Variants in FOXP1 observed in about 807,000 individuals in gnomAD.
The protein encoded by FOXP1 is forkhead box protein P1.
FOXP1 carries 15 observed loss-of-function variants against 98.2 expected under a neutral mutation model. That is an observed-to-expected ratio of 0.15 (90% CI 0.10 to 0.24). The LOEUF (loss-of-function observed/expected upper bound fraction) is 0.24, where lower values mean the gene tolerates loss of function less well. Ranked by LOEUF, FOXP1 falls within the 10% of genes least tolerant of loss-of-function variation. The pLI is 1.00. For missense variants in FOXP1, 633 were observed against 848.5 expected, an observed-to-expected ratio of 0.75 and a Z score of 3.15; for synonymous variants, 371 against 314.5, an observed-to-expected ratio of 1.18 and a Z score of -1.90.
chr3:71,142,031 A>G (rs535797899), intron 6 of FOXP1, among the ~76,000 whole-genome samples: 1 of 152,320 alleles, frequency 6.6e-6, no homozygotes, highest in African/African-American at 2.4e-5. Context: ...AACTAATCCT[A>G]TGTCTACTTC....
intron 7 of FOXP1, among the ~76,000 whole-genome samples, chr3:71,079,392 C>T (rs1559885079): frequency 1.3e-5 from 2 of 152,202 alleles, no homozygotes; most frequent in Middle Eastern, 3.4e-3. Context: ...TGCCCATTAA[C>T]GATCTTTTTT....
intron 3 of FOXP1, among the ~76,000 whole-genome samples, chr3:71,416,547 AACACACACACACAC>A (rs55710900): frequency 0.061 from 8,325 of 136,762 alleles, 290 homozygotes; most frequent in South Asian, 0.13. Flanking sequence ...TCTGTCTCAA[AACACACACACACAC>A]ACACACACAC....
In FOXP1 at chr3:70,956,549, G is replaced by T. The variant is rs973653856; in HGVS notation, c.*2698C>A. ...TTGAACTGAGGTATGCGTACTAACA[G>T]TTTCTCATGCTGTTATCTTTACTCA... is the stretch of plus-strand genomic sequence containing the variant. On this transcript the variant is annotated 3_prime_UTR_variant, in exon 21 of 21. Coordinates refer to ENST00000649528, the MANE Select transcript of FOXP1 (RefSeq NM_001349338.3). 3 of 226,246 alleles carry T rather than the reference G, an allele frequency of 1.3e-5. No individual in the cohort carries two copies. The highest frequency in any genetic ancestry group is 2.6e-5 in the Non-Finnish European group (3 of 114,632). The allele number at this position is 226,246 out of a possible 1,614,324, so 14.0% of individuals were successfully genotyped here. A position where few individuals can be genotyped will look rare whatever the true frequency, so the allele number is the denominator to read the frequency against.
chr3:71,421,146 T>C (rs763874349), intron 3 of FOXP1, among the ~76,000 whole-genome samples: 5 of 152,142 alleles, frequency 3.3e-5, no homozygotes, highest in Non-Finnish European at 2.9e-5. Context: ...TCACCATCAT[T>C]CCCAGAGTTA....
chr3:70,963,380 C>T (rs1349791301), intron 20 of FOXP1, among the ~76,000 whole-genome samples: 1 of 152,194 alleles, frequency 6.6e-6, no homozygotes, highest in Non-Finnish European at 1.5e-5. Context: ...GTAGCACAAG[C>T]ACACAGCACT....
chr3:71,373,693 G>A (rs2079508122), intron 3 of FOXP1, among the ~76,000 whole-genome samples: 1 of 151,938 alleles, frequency 6.6e-6, no homozygotes, highest in African/African-American at 2.4e-5. Flanking sequence ...ACATTATCAG[G>A]AGAAGGTTTA....
chr3:71,206,289 T>C (rs543892666), intron 5 of FOXP1, among the ~76,000 whole-genome samples: 1 of 152,338 alleles, frequency 6.6e-6, no homozygotes, highest in African/African-American at 2.4e-5. Context: ...TTTAACTGTT[T>C]TGGTGTTCTG....
At chr3:71,101,247 G>C (rs1202960938) in intron 7 of FOXP1, among the ~76,000 whole-genome samples, 1 of 152,180 alleles carries the variant, frequency 6.6e-6, no homozygotes. Context: ...TGCTGGATTA[G>C]AGATACTGAA....
At chr3:71,281,201 GCC>G (rs2071522468) in intron 5 of FOXP1, among the ~76,000 whole-genome samples, 1 of 151,186 alleles carries the variant, frequency 6.6e-6, no homozygotes, top group South Asian at 2.1e-4. Flanking sequence ...CTGTACTCCA[GCC>G]TGGACAACAG....
intron 2 of FOXP1, among the ~76,000 whole-genome samples, chr3:71,562,334 G>A (rs2046603040): frequency 6.6e-6 from 1 of 152,170 alleles, no homozygotes; most frequent in African/African-American, 2.4e-5. Context: ...CCAGCCTTAC[G>A]CAGCAGGTGC....
chr3:70,961,048 G>A (rs1341827417), intron 20 of FOXP1, among the ~76,000 whole-genome samples: 1 of 151,602 alleles, frequency 6.6e-6, no homozygotes, highest in Non-Finnish European at 1.5e-5. Context: ...GTTTCACCGT[G>A]GTCTCGATCT....
intron 4 of FOXP1, among the ~76,000 whole-genome samples, chr3:71,343,554 A>ATTTT (rs10658352): frequency 0.12 from 13,401 of 116,282 alleles, 1,357 homozygotes; most frequent in Non-Finnish European, 0.15. Flanking sequence ...TCTCAATTAG[A>ATTTT]TTTTTTTTTT....
At chr3:70,972,031 GTTTTCATCGGGGCAGTATT>G in intron 18 of FOXP1, 2 of 1,451,312 alleles carry the variant, frequency 1.4e-6, no homozygotes, top group Non-Finnish European at 1.8e-6. Context: ...GCTCGTCAAA[GTTTTCATCGGGGCAGTATT>G]TGCGAGGACG....
At chr3:71,554,336 G>T (rs1278322181) in intron 2 of FOXP1, among the ~76,000 whole-genome samples, 1 of 152,196 alleles carries the variant, frequency 6.6e-6, no homozygotes, top group Non-Finnish European at 1.5e-5. Flanking sequence ...CTGGGTGACA[G>T]AGGGGGACTC....
rs575374345 is a variant in FOXP1, at chr3:71,106,418, C to G, written c.282+6118G>C. 2.0e-5 allele frequency among the ~76,000 whole-genome samples: 3 copies of G among 152,260 alleles called. No individual in the cohort carries two copies. In the East Asian group the frequency reaches 5.8e-4, roughly 29 times the overall value. ...TGGCGTGATCTCGGCTCACTGCAAC[C>G]TCCGCCTTCCAGGTTCAAGCGATTC... On this transcript the variant is annotated intron_variant, in intron 7 of 20. Transcript: ENST00000649528.
At chr3:71,152,834 G>A (rs1328653358) in intron 6 of FOXP1, among the ~76,000 whole-genome samples, 1 of 152,192 alleles carries the variant, frequency 6.6e-6, no homozygotes, top group Non-Finnish European at 1.5e-5. Flanking sequence ...ACACATTCCT[G>A]TTCACTGGCC....
At position 71,331,457 on chromosome 3, in the gene FOXP1, G is replaced by C. The variant is rs545788054; in HGVS notation, c.-73+27693C>G. ...CTGCTCCACGGCACCCAGTCCCATC[G>C]ACCGCCCAAGGGCTGAGGAGTGCGG... On this transcript the variant is annotated intron_variant, in intron 4 of 20. Coordinates refer to ENST00000649528, the MANE Select transcript of FOXP1 (RefSeq NM_001349338.3). Among the ~76,000 whole-genome samples, 14 of 143,286 alleles carry C rather than the reference G, an allele frequency of 9.8e-5. No individual in the cohort carries two copies. In the East Asian group the frequency reaches 2.6e-3, roughly 27 times the overall value. 94.0% of individuals were successfully genotyped at this position (143,286 alleles called of 152,430 possible).
At chr3:71,123,501 A>AT (rs1349039333) in intron 6 of FOXP1, among the ~76,000 whole-genome samples, 1 of 152,172 alleles carries the variant, frequency 6.6e-6, no homozygotes, top group Admixed American at 6.5e-5. Context: ...CCAAGGTTGG[A>AT]TTTTTTTCAA....
In FOXP1 at chr3:70,959,402, T is replaced by C. The variant is rs2032654118; in HGVS notation, c.1890-11A>G. Reference sequence around the variant, plus strand: ...ACGTGTACAGGATGCCTGGAAAAAATATGCAGAGGTTCAGTGAGGGTACTT... The same window carrying C: ...ACGTGTACAGGATGCCTGGAAAAAACATGCAGAGGTTCAGTGAGGGTACTT... On this transcript the variant is annotated splice_polypyrimidine_tract_variant and intron_variant, in intron 20 of 20. Coordinates refer to ENST00000649528, the MANE Select transcript of FOXP1 (RefSeq NM_001349338.3). The C allele has an allele frequency of 6.2e-7, 1 of 1,613,694 alleles. No individual in the cohort carries two copies. Among genetic ancestry groups the C allele is most frequent in the Admixed American group, 1.7e-5 (1 of 59,978 alleles).
Sources: allele counts gnomAD v4.1 joint callset (sites outside exome capture counted in the v4.1 genomes callset), GRCh38; gene constraint gnomAD v4.1.1; transcripts MANE v1.5; gene names NCBI Gene and HGNC (gene_info 2026-07-23, HGNC 2026-07-21).